The following ZNF638 variants were observed in gnomAD, a reference collection of about 807,000 sequenced individuals.
ZNF638 encodes CTCL tumor antigen se33-1.
A neutral mutation model predicts 195.6 loss-of-function variants in ZNF638; 46 were observed. The ratio of observed to expected loss-of-function variants is 0.24; its 90% CI spans 0.19 to 0.30. The LOEUF is 0.30. Among genes scored for constraint, ZNF638 ranks in the 10% least tolerant of loss-of-function variants. ZNF638 has a pLI of 1.00. For synonymous variants in ZNF638, 845 were observed against 772.0 expected (o/e 1.09, Z -1.57); for missense variants, 2,440 against 2,325.3 (o/e 1.05, Z -1.01).
At chr2:71,382,893 A>G (rs1305898357) in intron 10 of ZNF638, among the ~76,000 whole-genome samples, 1 of 152,222 alleles carries the variant, frequency 6.6e-6, no homozygotes, top group Non-Finnish European at 1.5e-5. Flanking sequence ...CAGACCTACT[A>G]ACATAATCTG....
intron 1 of ZNF638, among the ~76,000 whole-genome samples, chr2:71,334,320 C>T (rs1187212852): frequency 6.6e-6 from 1 of 152,148 alleles, no homozygotes; most frequent in Non-Finnish European, 1.5e-5. Flanking sequence ...ACAGTACTTC[C>T]AGTATTGGTA....
intron 10 of ZNF638, among the ~76,000 whole-genome samples, chr2:71,390,583 C>T (rs1485380131): frequency 6.6e-6 from 1 of 152,126 alleles, no homozygotes; most frequent in East Asian, 1.9e-4. Flanking sequence ...CGTACTGGGT[C>T]CCCAATGCCC....
At chr2:71,404,035 GT>G in intron 17 of ZNF638, 37 bp downstream of exon 17, 1 of 1,574,958 alleles carries the variant, frequency 6.3e-7, no homozygotes, top group Non-Finnish European at 8.6e-7. Flanking sequence ...CTCTTACTAA[GT>G]TTTTAAATCA....
chr2:71,343,621 G>T (rs1360417365), intron 1 of ZNF638, among the ~76,000 whole-genome samples: 1 of 152,114 alleles, frequency 6.6e-6, no homozygotes, highest in Non-Finnish European at 1.5e-5. Flanking sequence ...ATAGAAGAGA[G>T]ATTAGATTGT....
chr2:71,400,556 A>G, intron 15 of ZNF638, 38 bp downstream of exon 15: 1 of 1,530,450 alleles, frequency 6.5e-7, no homozygotes, highest in Non-Finnish European at 8.8e-7. Context: ...TTAAAGCTCA[A>G]GACATTTTAA....
At chr2:71,351,209 G>A (rs1200757815) in intron 2 of ZNF638, among the ~76,000 whole-genome samples, 1 of 152,172 alleles carries the variant, frequency 6.6e-6, no homozygotes, top group East Asian at 1.9e-4. Flanking sequence ...TTAAAAATCT[G>A]TGTGTTAACG....
At position 71,408,142 on chromosome 2, in the gene ZNF638, T is replaced by C; in HGVS notation, c.3156T>C (p.Ser1052=). 1 of 1,612,462 alleles carries C rather than the reference T, an allele frequency of 6.2e-7. No homozygotes were observed. The highest frequency in any genetic ancestry group is 8.5e-7 in the Non-Finnish European group (1 of 1,179,276). ...NRNKAILQLD[S]PESAQSMYSF... is the part of the protein sequence containing the mutation. ...CAAAGGCAATTCTTCAGTTAGATAG[T>C]CCTGAATCTGCTCAGTCAATGTATA... The change falls in exon 20 of 28, where the codon AGT becomes AGC. Residue 1052 remains serine, a synonymous_variant. Coordinates refer to ENST00000264447, the MANE Select transcript of ZNF638 (RefSeq NM_014497.5).
chr2:71,400,355 G>A (rs2079981938), intron 14 of ZNF638, 123 bp from the exon 15 acceptor site: 6 of 1,081,750 alleles, frequency 5.5e-6, no homozygotes, highest in South Asian at 1.7e-5. Context: ...TAGTCATTTT[G>A]TACTAATTCT....
intron 3 of ZNF638, among the ~76,000 whole-genome samples, chr2:71,360,480 A>G (rs2079090391): frequency 1.3e-5 from 2 of 152,000 alleles, no homozygotes; most frequent in Non-Finnish European, 1.5e-5. Context: ...TGTTTGCCCC[A>G]TCCATACCCT....
chr2:71,428,504 A>T, intron 24 of ZNF638, 43 bp from the exon 25 acceptor site: 1 of 1,535,406 alleles, frequency 6.5e-7, no homozygotes, highest in Non-Finnish European at 8.9e-7. Flanking sequence ...AAGCAATTTA[A>T]ATACTGTTAC....
intron 16 of ZNF638, among the ~76,000 whole-genome samples, chr2:71,403,246 A>G (rs1203894143): frequency 1.3e-5 from 2 of 152,158 alleles, no homozygotes; most frequent in Non-Finnish European, 2.9e-5. Context: ...ATAAATAGAT[A>G]AACAACCTTA....
At chr2:71,347,953 G>A (rs1367548045) in intron 1 of ZNF638, among the ~76,000 whole-genome samples, 2 of 152,128 alleles carry the variant, frequency 1.3e-5, no homozygotes, top group African/African-American at 2.4e-5. Context: ...ACATATCTCA[G>A]GACTGTTGTG....
intron 8 of ZNF638, 41 bp from the exon 9 acceptor site, chr2:71,380,181 T>G: frequency 7.9e-7 from 1 of 1,271,916 alleles, no homozygotes; most frequent in South Asian, 1.5e-5. Flanking sequence ...TAAATTGCTT[T>G]ATACTAAATT....
intron 1 of ZNF638, among the ~76,000 whole-genome samples, chr2:71,332,656 A>T (rs1314401794): frequency 6.6e-6 from 1 of 152,180 alleles, no homozygotes; most frequent in African/African-American, 2.4e-5. Context: ...CTCTTAAAGG[A>T]AGGGGGAATG....
intron 15 of ZNF638, 106 bp from the exon 16 acceptor site, chr2:71,401,850 G>A (rs1573124547): frequency 2.0e-6 from 2 of 1,000,554 alleles, no homozygotes; most frequent in Non-Finnish European, 1.4e-6. Context: ...ACTTTCCTCA[G>A]TATTAAATGC....
chr2:71,428,373 A>G (rs562476644), intron 24 of ZNF638, among the ~76,000 whole-genome samples, 174 bp from the exon 25 acceptor site: 2 of 152,320 alleles, frequency 1.3e-5, no homozygotes, highest in South Asian at 4.1e-4. Context: ...CTTAGATTAA[A>G]CTGATTATTT....
intron 20 of ZNF638, chr2:71,408,796 T>C (rs1191154418): frequency 2.4e-6 from 1 of 409,476 alleles, no homozygotes; most frequent in East Asian, 7.9e-5. Flanking sequence ...AATAGGACCT[T>C]ATATGTGGTG....
rs1378115720 is a variant in ZNF638 at position 71,349,276 on chromosome 2, C to G, written c.322C>G (p.Pro108Ala). The G allele has an allele frequency of 1.2e-5, 20 of 1,614,120 alleles. No homozygotes were observed. Among genetic ancestry groups the G allele is most frequent in the Non-Finnish European group, 1.7e-5 (20 of 1,180,014 alleles). Reference protein sequence around the residue: ...KPHGSRWDDEPHISASVAVKQ... With the variant: ...KPHGSRWDDEAHISASVAVKQ... The stretch of plus-strand genomic sequence containing the variant: ...TCATGGTAGCCGGTGGGATGATGAG[C>G]CTCATATATCTGCATCAGTGGCAGT... Residue 108 changes from proline (P) to alanine (A), a missense_variant, in exon 2 of 28, where the codon CCT (proline) becomes GCT (alanine). Transcript: ENST00000264447.
chr2:71,426,140 G>A (rs1467346630), intron 23 of ZNF638, among the ~76,000 whole-genome samples: 1 of 152,030 alleles, frequency 6.6e-6, no homozygotes, highest in African/African-American at 2.4e-5. Context: ...CCTTTGTACT[G>A]TCTGACAAAT....
Sources: gnomAD v4.1 joint callset for allele counts (sites outside exome capture counted in the v4.1 genomes callset) on GRCh38, gnomAD v4.1.1 for gene constraint, MANE v1.5 for transcripts, NCBI Gene and HGNC (gene_info 2026-07-23, HGNC 2026-07-21) for gene names.